RGSL1: variants seen among roughly 807,000 people sequenced by gnomAD.
RGSL1 encodes regulator of G protein signaling like 1.
Under a neutral mutation model 124.7 loss-of-function variants are expected in RGSL1, and 97 were observed. The ratio of observed to expected loss-of-function variants is 0.78; its 90% CI spans 0.66 to 0.92. The LOEUF (loss-of-function observed/expected upper bound fraction) is 0.92. Among genes scored for constraint, RGSL1 ranks in the 40% least tolerant of loss-of-function variants. The pLI is 0.00. For missense variants in RGSL1, 1,233 were observed against 1,288.4 expected (o/e 0.96, Z 0.66); for synonymous variants, 424 against 438.1 (o/e 0.97, Z 0.40).
intron 8 of RGSL1, 134 bp from the exon 9 acceptor site, chr1:182,492,888 C>T (rs902143251): frequency 3.0e-6 from 2 of 659,368 alleles, no homozygotes; most frequent in Non-Finnish European, 5.5e-6. Flanking sequence ...CTCAGCCTCC[C>T]AAAGTGCTGG....
At chr1:182,505,274 C>A (rs1333983257) in intron 9 of RGSL1, among the ~76,000 whole-genome samples, 1 of 152,184 alleles carries the variant, frequency 6.6e-6, no homozygotes, top group Admixed American at 6.5e-5. Flanking sequence ...AAACAAACAA[C>A]CACAATTTTT....
chr1:182,481,006 A>C (rs1299766368), intron 6 of RGSL1, among the ~76,000 whole-genome samples: 2 of 152,208 alleles, frequency 1.3e-5, no homozygotes, highest in Non-Finnish European at 2.9e-5. Context: ...ATTAAAAAAG[A>C]AAAATCTCAA....
Position 182,468,539 on chromosome 1 carries a change from T to C in RGSL1, c.302-3857T>C, listed in dbSNP as rs1357427621. 3.3e-5 allele frequency among the ~76,000 whole-genome samples: 5 copies of C among 152,226 alleles called. No individual in the cohort carries two copies. The East Asian group carries it at 9.7e-4, about 30-fold the overall frequency. On this transcript the variant is annotated intron_variant, in intron 4 of 21. Transcript: ENST00000294854. ...AGGACAAAAAACCAAACACCGCATGTTCTCACTCATAGGTGGGAATTGAAC... is the reference window on the plus strand; with the variant it reads ...AGGACAAAAAACCAAACACCGCATGCTCTCACTCATAGGTGGGAATTGAAC...
Position 182,493,080 on chromosome 1 carries a change from G to A in RGSL1, c.1776G>A (p.Gln592=). Residue 592 remains glutamine, a synonymous_variant, in exon 9 of 22, where the codon CAG becomes CAA. Coordinates refer to ENST00000294854, the MANE Select transcript of RGSL1 (RefSeq NM_001137669.2). ...ACAAGAACCCAAAGATGGCCATACA[G>A]AAGATCAGTGATGACTACAAAATAT... ...LCYKNPKMAI[Q]KISDDYKIYC... is the part of the protein sequence containing the mutation. The A allele has an allele frequency of 1.3e-6, 2 of 1,551,728 alleles. No individual in the cohort carries two copies. Among genetic ancestry groups the A allele is most frequent in the African/African-American group, 1.4e-5 (1 of 73,176 alleles).
rs755466579 is a variant in RGSL1 at position 182,540,303 on chromosome 1, C to T, written c.2551C>T (p.Arg851Trp). The T allele has an allele frequency of 1.1e-5, 17 of 1,551,384 alleles. No homozygotes were observed. Among genetic ancestry groups the T allele is most frequent in the African/African-American group, 2.7e-5 (2 of 72,990 alleles). ...TTCAGCTCCACCCTCCACAAATGTC[C>T]GGAGTGCAGACCAAGAGAATGGAGA... ...GRSAPPSTNV[R>W]SADQENGEIT... is the part of the protein sequence containing the mutation. The change falls in exon 15 of 22, where the codon CGG becomes TGG. Residue 851 changes from arginine (R) to tryptophan (W), a missense_variant. Physicochemically the swap from Arg to Trp is moderately radical, Grantham distance 101 (BLOSUM62 -3). Coordinates refer to ENST00000294854, the MANE Select transcript of RGSL1 (RefSeq NM_001137669.2).
chr1:182,458,467 T>A, intron 3 of RGSL1, 74 bp downstream of exon 3: 1 of 1,228,318 alleles, frequency 8.1e-7, no homozygotes, highest in Non-Finnish European at 1.2e-6. Context: ...TTGTTGTTAA[T>A]TTGTTTTTGT....
rs750058732 is a variant in RGSL1 at position 182,530,240 on chromosome 1, C to T, written c.2126-4C>T. 3.9e-6 allele frequency: 6 copies of T among 1,544,406 alleles called. No homozygotes were observed. In the South Asian group the frequency reaches 4.8e-5, roughly 12 times the overall value. On this transcript the variant is annotated splice_region_variant and splice_polypyrimidine_tract_variant and intron_variant, in intron 11 of 21. Coordinates refer to ENST00000294854, the MANE Select transcript of RGSL1 (RefSeq NM_001137669.2). ...CAGCTTCTTTTCTCTCTTGCATTTT[C>T]TAGAAGAAATGCTGCAGTGTGATGC...
Position 182,489,111 on chromosome 1 carries a change from G to T in RGSL1, c.1626G>T (p.Met542Ile), listed in dbSNP as rs1184169017. ...AGGCTTTGGCTGACATGAAGGAAAT[G>T]GACTATAGGCAGTGGCGAAAGATAG... ...LSQALADMKEMDYRQWRKIAT... is the reference protein window; with the variant it reads ...LSQALADMKEIDYRQWRKIAT... The change falls in exon 8 of 22, where the codon ATG (methionine) becomes ATT (isoleucine). Residue 542 changes from methionine (M) to isoleucine (I), a missense_variant. Transcript: ENST00000294854. The T allele has an allele frequency of 6.4e-7, 1 of 1,551,522 alleles. No individual in the cohort carries two copies. The highest frequency in any genetic ancestry group is 2.4e-5 in the East Asian group (1 of 40,924).
intron 21 of RGSL1, among the ~76,000 whole-genome samples, chr1:182,556,711 G>A (rs1265829198): frequency 2.0e-5 from 3 of 152,016 alleles, no homozygotes; most frequent in African/African-American, 4.8e-5. Flanking sequence ...AGTTCTTCCC[G>A]AGAGTTCTGT....
At chr1:182,453,709 C>T (rs574047084) in intron 1 of RGSL1, among the ~76,000 whole-genome samples, 30 of 152,328 alleles carry the variant, frequency 2.0e-4, no homozygotes, top group African/African-American at 6.7e-4. Flanking sequence ...TCTACCACTT[C>T]GCCTTCTTCA....
At chr1:182,477,757 C>G (rs1229051313) in intron 6 of RGSL1, among the ~76,000 whole-genome samples, 1 of 152,138 alleles carries the variant, frequency 6.6e-6, no homozygotes, top group African/African-American at 2.4e-5. Flanking sequence ...TGGAAGCCAA[C>G]AGCAGGCCTG....
At chr1:182,541,531 T>C (rs1264953619) in intron 15 of RGSL1, among the ~76,000 whole-genome samples, 1 of 152,196 alleles carries the variant, frequency 6.6e-6, no homozygotes, top group African/African-American at 2.4e-5. Context: ...AGTGCTACAA[T>C]AAACATGGGA....
intron 9 of RGSL1, among the ~76,000 whole-genome samples, chr1:182,520,403 A>G (rs1658246883): frequency 6.6e-6 from 1 of 152,212 alleles, no homozygotes; most frequent in African/African-American, 2.4e-5. Context: ...ATTTGTTTAC[A>G]TAATTGTCAA....
chr1:182,544,226 T>A (rs76274973), intron 15 of RGSL1, among the ~76,000 whole-genome samples: 4,524 of 152,236 alleles, frequency 0.03, 207 homozygotes, highest in African/African-American at 0.098. Flanking sequence ...AAGGAATTTT[T>A]AAATTTTCTC....
At chr1:182,535,556 C>T (rs929382927) in intron 14 of RGSL1, among the ~76,000 whole-genome samples, 2 of 152,192 alleles carry the variant, frequency 1.3e-5, no homozygotes, top group Admixed American at 1.3e-4. Context: ...TCCATTTTTG[C>T]TTATTCTCCT....
Position 182,458,309 on chromosome 1 carries a change from T to G in RGSL1, c.97-10T>G. 2 of 1,551,188 alleles carry G rather than the reference T, an allele frequency of 1.3e-6. No homozygotes were observed. The highest frequency in any genetic ancestry group is 1.7e-6 in the Non-Finnish European group (2 of 1,146,290). On this transcript the variant is annotated splice_polypyrimidine_tract_variant and intron_variant, in intron 2 of 21. Transcript: ENST00000294854. ...TACTCCCTTGACTGTTTCCTAGCTT[T>G]GTTTTGCAGGTTTTTGGTCAGACAC...
At chr1:182,518,585 C>T (rs1310762747) in intron 9 of RGSL1, among the ~76,000 whole-genome samples, 1 of 152,140 alleles carries the variant, frequency 6.6e-6, no homozygotes, top group East Asian at 1.9e-4. Context: ...TGAATTCTTC[C>T]CATGAAGATG....
chr1:182,460,265 C>T (rs1652711107), intron 4 of RGSL1, 132 bp downstream of exon 4: 1 of 1,255,404 alleles, frequency 8.0e-7, no homozygotes, highest in Admixed American at 2.9e-5. Context: ...TAGGAAGTCA[C>T]ACTTCATAAT....
chr1:182,480,337 A>G (rs1456200381), intron 6 of RGSL1, among the ~76,000 whole-genome samples: 1 of 152,160 alleles, frequency 6.6e-6, no homozygotes, highest in Non-Finnish European at 1.5e-5. Context: ...AGGCTGAGGT[A>G]GGAGGATCAC....
Sources: gnomAD v4.1 joint callset for allele counts (sites outside exome capture counted in the v4.1 genomes callset) on GRCh38, gnomAD v4.1.1 for gene constraint, MANE v1.5 for transcripts, NCBI Gene and HGNC (gene_info 2026-07-23, HGNC 2026-07-21) for gene names.